CNTNAP2: variants seen among roughly 807,000 people sequenced by gnomAD.
CNTNAP2 encodes the protein contactin-associated protein-like 2.
CNTNAP2 carries 98 observed loss-of-function variants against 155.2 expected under a neutral mutation model. The ratio of observed to expected loss-of-function variants is 0.63; its 90% CI spans 0.54 to 0.75. The LOEUF is 0.75. Among genes scored for constraint, CNTNAP2 ranks in the 30% least tolerant of loss-of-function variants. The pLI, the probability that CNTNAP2 is intolerant of heterozygous loss-of-function variation, is 0.00. For synonymous variants in CNTNAP2, 651 were observed against 631.2 expected (o/e 1.03, Z -0.47); for missense variants, 1,727 against 1,688.1 (o/e 1.02, Z -0.40).
At chr7:148,207,177 A>G (rs986700163) in intron 18 of CNTNAP2, among the ~76,000 whole-genome samples, 1 of 152,242 alleles carries the variant, frequency 6.6e-6, no homozygotes, top group Non-Finnish European at 1.5e-5. Context: ...GTTGGAATAA[A>G]GTTATAACAA....
At chr7:147,746,979 T>G (rs1797053975) in intron 13 of CNTNAP2, among the ~76,000 whole-genome samples, 1 of 152,178 alleles carries the variant, frequency 6.6e-6, no homozygotes, top group African/African-American at 2.4e-5. Flanking sequence ...AGCTGAGATA[T>G]AAAGGTATGC....
chr7:147,515,992 G>A (rs1188923104), intron 11 of CNTNAP2, among the ~76,000 whole-genome samples: 1 of 150,104 alleles, frequency 6.7e-6, no homozygotes, highest in Admixed American at 6.6e-5. Context: ...TAAAATTTAA[G>A]TATAGATCTT....
At chr7:146,693,417 C>G (rs546127265) in intron 1 of CNTNAP2, among the ~76,000 whole-genome samples, 2 of 151,468 alleles carry the variant, frequency 1.3e-5, no homozygotes, top group East Asian at 3.9e-4. Flanking sequence ...TCTTCTTACT[C>G]TCTATATGTG....
chr7:147,503,122 G>A (rs1798848609), intron 11 of CNTNAP2, among the ~76,000 whole-genome samples: 1 of 152,112 alleles, frequency 6.6e-6, no homozygotes, highest in Non-Finnish European at 1.5e-5. Context: ...TCAAGGTGCT[G>A]GCAAGCCCAC....
At chr7:147,296,898 G>A (rs1471245739) in intron 8 of CNTNAP2, among the ~76,000 whole-genome samples, 1 of 152,090 alleles carries the variant, frequency 6.6e-6, no homozygotes, top group Admixed American at 6.6e-5. Context: ...TTTCTGGACT[G>A]TTCCTCTTTC....
chr7:147,187,920 G>T (rs188080820), intron 8 of CNTNAP2, among the ~76,000 whole-genome samples: 13 of 152,214 alleles, frequency 8.5e-5, no homozygotes, highest in African/African-American at 3.1e-4. Flanking sequence ...TATTAGCCAG[G>T]TATGGTGGTG....
At chr7:147,925,286 G>GCGCA (rs1554450444) in intron 14 of CNTNAP2, among the ~76,000 whole-genome samples, 1 of 65,400 alleles carries the variant, frequency 1.5e-5, no homozygotes, top group Non-Finnish European at 2.7e-5. Flanking sequence ...ACACACAAGC[G>GCGCA]CGCGCGCACA....
chr7:146,188,167 A>G (rs1328477997), intron 1 of CNTNAP2, among the ~76,000 whole-genome samples: 1 of 152,192 alleles, frequency 6.6e-6, no homozygotes, highest in Non-Finnish European at 1.5e-5. Flanking sequence ...TTGAAACAGG[A>G]TAAGAACAAC....
At chr7:147,405,827 T>C (rs1411799564) in intron 10 of CNTNAP2, among the ~76,000 whole-genome samples, 1 of 152,136 alleles carries the variant, frequency 6.6e-6, no homozygotes, top group Non-Finnish European at 1.5e-5. Context: ...TAGTTTTCGC[T>C]GCACTTGAAA....
chr7:147,196,172 G>C (rs1004400332), intron 8 of CNTNAP2, among the ~76,000 whole-genome samples: 1 of 152,152 alleles, frequency 6.6e-6, no homozygotes, highest in Non-Finnish European at 1.5e-5. Context: ...CAGACTTCTA[G>C]CCTCAAAAAT....
At chr7:147,345,900 A>G (rs1795847776) in intron 9 of CNTNAP2, among the ~76,000 whole-genome samples, 1 of 152,188 alleles carries the variant, frequency 6.6e-6, no homozygotes, top group Non-Finnish European at 1.5e-5. Context: ...CCTCAAAGAG[A>G]TGGCAATTTT....
intron 3 of CNTNAP2, among the ~76,000 whole-genome samples, chr7:147,035,196 G>A (rs1799131204): frequency 6.6e-6 from 1 of 152,166 alleles, no homozygotes; most frequent in African/African-American, 2.4e-5. Context: ...AGTGCTGTCT[G>A]AGCTGAGTCC....
chr7:146,872,652 A>G (rs1346438846), intron 3 of CNTNAP2, among the ~76,000 whole-genome samples: 3 of 152,314 alleles, frequency 2.0e-5, no homozygotes, highest in East Asian at 1.9e-4. Flanking sequence ...GAAGGCATCA[A>G]TGCATCCCAA....
At chr7:147,066,659 T>A (rs137929894) in intron 4 of CNTNAP2, among the ~76,000 whole-genome samples, 18 of 152,242 alleles carry the variant, frequency 1.2e-4, no homozygotes, top group Non-Finnish European at 2.4e-4. Context: ...AAACTCATAA[T>A]GGGGGAGAAT....
chr7:147,872,093 A>C (rs1013709036), intron 13 of CNTNAP2, among the ~76,000 whole-genome samples: 4 of 152,202 alleles, frequency 2.6e-5, no homozygotes, highest in Admixed American at 2.0e-4. Context: ...TTTGACTATC[A>C]CAAATGCCCT....
chr7:146,666,633 G>A (rs1800200130), intron 1 of CNTNAP2, among the ~76,000 whole-genome samples: 1 of 151,992 alleles, frequency 6.6e-6, no homozygotes, highest in African/African-American at 2.4e-5. Flanking sequence ...TATGAGTTCT[G>A]TTTTCTCCAC....
intron 13 of CNTNAP2, among the ~76,000 whole-genome samples, chr7:147,685,541 T>C (rs1796005661): frequency 6.6e-6 from 1 of 151,974 alleles, no homozygotes; most frequent in African/African-American, 2.4e-5. Context: ...AAAATGAGTG[T>C]ATTATGTTTT....
chr7:146,666,194 C>T (rs1481231943), intron 1 of CNTNAP2, among the ~76,000 whole-genome samples: 4 of 152,134 alleles, frequency 2.6e-5, no homozygotes, highest in Admixed American at 6.5e-5. Flanking sequence ...ATACTTTTTA[C>T]TTTTATGAGG....
intron 9 of CNTNAP2, among the ~76,000 whole-genome samples, chr7:147,341,873 G>A (rs1171251940): frequency 6.6e-6 from 1 of 151,812 alleles, no homozygotes; most frequent in Non-Finnish European, 1.5e-5. Context: ...TAATAGTAAT[G>A]CATTAAGTAT....
Sources: gnomAD v4.1 joint callset for allele counts (sites outside exome capture counted in the v4.1 genomes callset) on GRCh38, gnomAD v4.1.1 for gene constraint, MANE v1.5 for transcripts, NCBI Gene and HGNC (gene_info 2026-07-23, HGNC 2026-07-21) for gene names.